MROH2A: variants seen among roughly 807,000 people sequenced by gnomAD.
MROH2A encodes the protein maestro heat-like repeat-containing protein family member 2A.
In MROH2A, 174 loss-of-function variants were observed where a neutral mutation model predicts 200.4. The ratio of observed to expected loss-of-function variants is 0.87; its 90% CI spans 0.77 to 0.98. The LOEUF is 0.98. Among genes scored for constraint, MROH2A ranks in the 50% least tolerant of loss-of-function variants. The pLI, the probability that MROH2A is intolerant of heterozygous loss-of-function variation, is 0.00. For synonymous variants in MROH2A, 829 were observed against 840.4 expected (o/e 0.99, Z 0.23); for missense variants, 2,045 against 2,139.6 (o/e 0.96, Z 0.87).
chr2:233,788,097 T>TTATATATACATATATATTATATATACA (rs1701471775), intron 3 of MROH2A, among the ~76,000 whole-genome samples: 1 of 74,636 alleles, frequency 1.3e-5, no homozygotes, highest in African/African-American at 5.9e-5. Flanking sequence ...TATACATATA[T>TTATATATACATATATATTATATATACA]TATATATACA....
intron 21 of MROH2A, among the ~76,000 whole-genome samples, chr2:233,808,374 C>T (rs1247123471): frequency 6.6e-6 from 1 of 152,178 alleles, no homozygotes; most frequent in Non-Finnish European, 1.5e-5. Flanking sequence ...CCCAGACAGC[C>T]CATGGCCCTA....
chr2:233,815,139 T>C (rs1455905450), intron 26 of MROH2A, among the ~76,000 whole-genome samples: 1 of 152,216 alleles, frequency 6.6e-6, no homozygotes, highest in Non-Finnish European at 1.5e-5. Context: ...GATTAGGCAG[T>C]GCATCTACCT....
At chr2:233,801,742 A>G (rs1702486380) in intron 14 of MROH2A, among the ~76,000 whole-genome samples, 1 of 152,212 alleles carries the variant, frequency 6.6e-6, no homozygotes, top group South Asian at 2.1e-4. Flanking sequence ...TGTTTGACTG[A>G]ATGACTAGGT....
chr2:233,813,029 G>A (rs1703277355), intron 24 of MROH2A, among the ~76,000 whole-genome samples: 1 of 152,166 alleles, frequency 6.6e-6, no homozygotes, highest in Non-Finnish European at 1.5e-5. Flanking sequence ...CAGATCCTGG[G>A]GCTTGGACGT....
At chr2:233,791,701 T>C (rs1701774091) in intron 5 of MROH2A, among the ~76,000 whole-genome samples, 2 of 152,056 alleles carry the variant, frequency 1.3e-5, no homozygotes, top group Admixed American at 1.3e-4. Context: ...CAGCGTGGAA[T>C]GTGAGGCCTG....
intron 3 of MROH2A, among the ~76,000 whole-genome samples, chr2:233,781,872 T>G (rs1249203432): frequency 6.6e-6 from 1 of 152,238 alleles, no homozygotes; most frequent in Non-Finnish European, 1.5e-5. Context: ...GATTTAAGTC[T>G]TTAATCCATT....
chr2:233,815,423 A>G (rs1703453574), intron 26 of MROH2A, among the ~76,000 whole-genome samples: 1 of 152,166 alleles, frequency 6.6e-6, no homozygotes, highest in Non-Finnish European at 1.5e-5. Context: ...AGTCGAATTT[A>G]TCTTTTTTTC....
intron 3 of MROH2A, among the ~76,000 whole-genome samples, chr2:233,782,522 A>G (rs1231751532): frequency 6.6e-6 from 1 of 152,122 alleles, no homozygotes; most frequent in African/African-American, 2.4e-5. Flanking sequence ...GTTGTTTGCC[A>G]TTTGGCATAT....
intron 35 of MROH2A, 117 bp downstream of exon 35, chr2:233,823,781 C>T (rs1704125320): frequency 3.8e-5 from 49 of 1,298,530 alleles, no homozygotes; most frequent in Non-Finnish European, 5.0e-5. Flanking sequence ...GCGAGCGCCC[C>T]TCCTCTGAGT....
chr2:233,821,278 G>T lies in MROH2A; in HGVS notation c.3513-846G>T, dbSNP rs911885347. ...GTGTCATTGTTCGTAGTTGCTTCTTGCCATTGTAGGACTGAGGTGCCCCTT... is the reference window on the plus strand; with the variant it reads ...GTGTCATTGTTCGTAGTTGCTTCTTTCCATTGTAGGACTGAGGTGCCCCTT... On this transcript the variant is annotated intron_variant, in intron 31 of 41. Coordinates refer to ENST00000389758, the MANE Select transcript of MROH2A (RefSeq NM_001394639.1). 3.3e-5 allele frequency among the ~76,000 whole-genome samples: 5 copies of T among 152,168 alleles called. No homozygotes were observed. In the East Asian group the frequency reaches 7.7e-4, roughly 23 times the overall value.
chr2:233,805,026 A>C lies in MROH2A; in HGVS notation c.1967A>C (p.Lys656Thr). ...CAGTTTCTGCGAAACTCCCTCAAGA[A>C]GACCCGGGGGTCTAGCTGGAGCCTG... Reference protein sequence around the residue: ...LIQFLRNSLKKTRGSSWSLRL... With the variant: ...LIQFLRNSLKTTRGSSWSLRL... The change falls in exon 19 of 42, where the codon AAG becomes ACG. Residue 656 changes from lysine to threonine, a missense_variant. Lys to Thr is a moderately conservative substitution (Grantham distance 78, BLOSUM62 -1). Coordinates refer to ENST00000389758, the MANE Select transcript of MROH2A (RefSeq NM_001394639.1). The C allele has an allele frequency of 6.5e-7, 1 of 1,550,112 alleles. No individual in the cohort carries two copies. Among genetic ancestry groups the C allele is most frequent in the Non-Finnish European group, 8.7e-7 (1 of 1,146,750 alleles).
intron 35 of MROH2A, among the ~76,000 whole-genome samples, chr2:233,826,053 T>G (rs1363195166): frequency 1.3e-5 from 2 of 151,026 alleles, no homozygotes; most frequent in Non-Finnish European, 2.9e-5. Flanking sequence ...GCCTTTCGAG[T>G]AGCTGGGACT....
At chr2:233,777,512 G>A (rs559489889), upstream of MROH2A, among the ~76,000 whole-genome samples, 31 of 152,328 alleles carry the variant, frequency 2.0e-4, no homozygotes, top group African/African-American at 7.5e-4. Flanking sequence ...AAGGAATAAC[G>A]CAGGAATTTT....
chr2:233,804,112 G>A lies in MROH2A; in HGVS notation c.1811G>A (p.Arg604Lys), dbSNP rs1702644499. The change falls in exon 17 of 42, where the codon AGG becomes AAG. Residue 604 changes from arginine to lysine, a missense_variant. Coordinates refer to ENST00000389758, the MANE Select transcript of MROH2A (RefSeq NM_001394639.1). ...GRGIAMLNLL[R>K]TLSQSIAPSM... ...GGGATAGCCATGCTCAACCTCTTGA[G>A]GACCCTGAGCCAGAGCATCGCACCC... The A allele has an allele frequency of 6.4e-7, 1 of 1,550,448 alleles. No individual in the cohort carries two copies. The highest frequency in any genetic ancestry group is 2.0e-5 in the Admixed American group (1 of 50,990).
intron 3 of MROH2A, among the ~76,000 whole-genome samples, chr2:233,787,418 C>CATATGTATAT (rs577746032): frequency 5.0e-5 from 5 of 100,720 alleles, no homozygotes; most frequent in African/African-American, 1.8e-4. Flanking sequence ...CACACACACA[C>CATATGTATAT]ACACACACAC....
chr2:233,819,200 G>A (rs1465324176), intron 29 of MROH2A, 117 bp from the exon 30 acceptor site: 2 of 1,071,294 alleles, frequency 1.9e-6, no homozygotes, highest in East Asian at 2.6e-5. Context: ...CCATGGCCAT[G>A]GTCTGAGAGA....
At position 233,794,494 on chromosome 2, in the gene MROH2A, CT is replaced by C; in HGVS notation, c.956del (p.Phe319SerfsTer6). 4 of 1,524,766 alleles carry C rather than the reference CT, an allele frequency of 2.6e-6. No homozygotes were observed. The highest frequency in any genetic ancestry group is 3.6e-6 in the Non-Finnish European group (4 of 1,123,578). 94.5% of individuals were successfully genotyped at this position (1,524,766 alleles called of 1,614,324 possible). On this transcript the variant is annotated frameshift_variant, in exon 8 of 42. Transcript: ENST00000389758. LOFTEE classifies it high-confidence loss of function. The stretch of plus-strand genomic sequence containing the variant: ...AGTACCAGGGCAGTCTGGAGGTGCT[CT>C]TCGTCACGCAGGCGAGTGGCCAGGC... ...AEYQGSLEVL[F>X]VTQVLRQILE... is the part of the protein sequence containing the mutation.
At chr2:233,803,374 C>G in intron 15 of MROH2A, 74 bp from the exon 16 acceptor site, 1 of 1,506,600 alleles carries the variant, frequency 6.6e-7, no homozygotes, top group Non-Finnish European at 9.0e-7. Flanking sequence ...GGTAAAGTTC[C>G]TAGATGGGGA....
intron 41 of MROH2A, 32 bp downstream of exon 41, chr2:233,832,676 C>G: frequency 1.4e-6 from 2 of 1,436,602 alleles, no homozygotes; most frequent in Non-Finnish European, 1.9e-6. Flanking sequence ...ATGTTGAGTC[C>G]ACGACTCACC....
Sources: allele counts gnomAD v4.1 joint callset (sites outside exome capture counted in the v4.1 genomes callset), GRCh38; gene constraint gnomAD v4.1.1; transcripts MANE v1.5; gene names NCBI Gene and HGNC (gene_info 2026-07-23, HGNC 2026-07-21).